Variants in SPTLC3 observed in about 807,000 individuals in gnomAD.
SPTLC3 encodes the protein serine palmitoyltransferase long chain base subunit 3.
Under a neutral mutation model 59.3 loss-of-function variants are expected in SPTLC3, and 36 were observed. That is an observed-to-expected ratio of 0.61 (90% CI 0.47 to 0.80). The LOEUF is 0.80. Among genes scored for constraint, SPTLC3 ranks in the 30% least tolerant of loss-of-function variants. SPTLC3 has a pLI of 0.00. For missense variants in SPTLC3, 625 were observed against 685.1 expected, an observed-to-expected ratio of 0.91 and a Z score of 0.98; for synonymous variants, 257 against 240.8, an observed-to-expected ratio of 1.07 and a Z score of -0.62.
chr20:13,160,873 A>G (rs2038881995), intron 11 of SPTLC3, among the ~76,000 whole-genome samples: 1 of 152,242 alleles, frequency 6.6e-6, no homozygotes, highest in South Asian at 2.1e-4. Context: ...GAATTATTAG[A>G]GTGGAGAAGA....
chr20:13,122,697 A>T (rs2037895425), intron 8 of SPTLC3, among the ~76,000 whole-genome samples: 1 of 152,230 alleles, frequency 6.6e-6, no homozygotes, highest in Admixed American at 6.5e-5. Flanking sequence ...ACCTCAGGCC[A>T]CCAGGGAATA....
At chr20:13,069,180 G>C (rs6041840) in intron 2 of SPTLC3, among the ~76,000 whole-genome samples, 2,715 of 152,256 alleles carry the variant, frequency 0.018, 81 homozygotes, top group African/African-American at 0.062. Flanking sequence ...TCACGGGCCA[G>C]GGTTTTTGTC....
At chr20:13,145,099 A>T (rs1398559530) in intron 9 of SPTLC3, among the ~76,000 whole-genome samples, 1 of 152,108 alleles carries the variant, frequency 6.6e-6, no homozygotes, top group Non-Finnish European at 1.5e-5. Flanking sequence ...TTGAAAAAAA[A>T]ATTCTAGAAA....
chr20:13,094,649 G>A (rs1989349594), intron 6 of SPTLC3, among the ~76,000 whole-genome samples: 1 of 152,154 alleles, frequency 6.6e-6, no homozygotes, highest in South Asian at 2.1e-4. Flanking sequence ...AAGAACAATT[G>A]TCCCATGGGG....
chr20:13,014,227 GT>G (rs1030781302), intron 1 of SPTLC3, among the ~76,000 whole-genome samples: 4 of 152,216 alleles, frequency 2.6e-5, no homozygotes, highest in African/African-American at 9.6e-5. Context: ...ATTGAAAAAG[GT>G]TGTAAGGGAT....
chr20:13,045,332 T>C (rs999244060), intron 1 of SPTLC3, among the ~76,000 whole-genome samples: 1 of 152,214 alleles, frequency 6.6e-6, no homozygotes. Flanking sequence ...CAAGCCAAAG[T>C]GTATTACAAA....
At chr20:13,043,872 T>A (rs1987103908) in intron 1 of SPTLC3, among the ~76,000 whole-genome samples, 1 of 152,136 alleles carries the variant, frequency 6.6e-6, no homozygotes, top group African/African-American at 2.4e-5. Context: ...GTCCCTGCAG[T>A]CTGATAAAAT....
intron 9 of SPTLC3, among the ~76,000 whole-genome samples, chr20:13,152,573 G>A (rs913215233): frequency 2.7e-4 from 41 of 152,196 alleles, no homozygotes; most frequent in African/African-American, 9.7e-4. Context: ...TTAGGACAAA[G>A]ATGTAGCTTG....
intron 8 of SPTLC3, among the ~76,000 whole-genome samples, chr20:13,125,351 T>C (rs936557376): frequency 6.6e-6 from 1 of 152,124 alleles, no homozygotes; most frequent in Non-Finnish European, 1.5e-5. Flanking sequence ...TTCCAATAGT[T>C]CTCTGCTGCC....
intron 9 of SPTLC3, among the ~76,000 whole-genome samples, chr20:13,130,350 A>G (rs1426183866): frequency 6.6e-5 from 10 of 152,240 alleles, no homozygotes; most frequent in Admixed American, 5.9e-4. Flanking sequence ...CTTCATCTTC[A>G]GCCCACTCCA....
At chr20:13,051,788 T>G (rs1181925657) in intron 2 of SPTLC3, among the ~76,000 whole-genome samples, 1 of 152,058 alleles carries the variant, frequency 6.6e-6, no homozygotes, top group African/African-American at 2.4e-5. Flanking sequence ...AAAAGGAACC[T>G]TCAAAACCAT....
intron 9 of SPTLC3, among the ~76,000 whole-genome samples, chr20:13,149,247 C>CT (rs2038589064): frequency 6.6e-6 from 1 of 152,212 alleles, no homozygotes; most frequent in Non-Finnish European, 1.5e-5. Flanking sequence ...ATTGGAGACT[C>CT]TGAGTGTCTT....
intron 2 of SPTLC3, among the ~76,000 whole-genome samples, chr20:13,062,129 C>T (rs983177257): frequency 6.6e-6 from 1 of 152,188 alleles, no homozygotes; most frequent in African/African-American, 2.4e-5. Context: ...AGGGTATCTG[C>T]ATATCTCACT....
chr20:13,108,606 G>C (rs564796940), intron 6 of SPTLC3, among the ~76,000 whole-genome samples: 1 of 152,074 alleles, frequency 6.6e-6, no homozygotes, highest in Admixed American at 6.6e-5. Flanking sequence ...ACAGAGTCTC[G>C]TTCTGTCACC....
chr20:13,136,254 A>C (rs1000221872), intron 9 of SPTLC3, among the ~76,000 whole-genome samples: 1 of 152,176 alleles, frequency 6.6e-6, no homozygotes. Flanking sequence ...AGATGGAATA[A>C]TGACTTGTGT....
At chr20:13,031,591 GGTTCTATTTTT>G (rs1209998173) in intron 1 of SPTLC3, among the ~76,000 whole-genome samples, 2 of 152,144 alleles carry the variant, frequency 1.3e-5, no homozygotes, top group African/African-American at 4.8e-5. Context: ...AGTCTTAAAA[GGTTCTATTTTT>G]GTTCTATTTT....
chr20:13,079,729 T>C (rs1444978631), intron 4 of SPTLC3: 2 of 470,458 alleles, frequency 4.3e-6, no homozygotes, highest in Non-Finnish European at 8.8e-6. Flanking sequence ...CAACCTGTGT[T>C]GGCCTCCCAT....
intron 2 of SPTLC3, among the ~76,000 whole-genome samples, chr20:13,056,457 CTT>C (rs34095082): frequency 9.9e-4 from 34 of 34,364 alleles, no homozygotes; most frequent in South Asian, 2.9e-3. Context: ...AACTTTTTTT[CTT>C]TTTTTTTTTT....
At chr20:13,022,916 G>T (rs995592970) in intron 1 of SPTLC3, among the ~76,000 whole-genome samples, 1 of 151,936 alleles carries the variant, frequency 6.6e-6, no homozygotes, top group African/African-American at 2.4e-5. Context: ...CGACCATAAG[G>T]CCCCACAGCC....
Sources: allele counts gnomAD v4.1 joint callset (sites outside exome capture counted in the v4.1 genomes callset), GRCh38; gene constraint gnomAD v4.1.1; transcripts MANE v1.5; gene names NCBI Gene and HGNC (gene_info 2026-07-23, HGNC 2026-07-21).